NCALD: variants seen among roughly 807,000 people sequenced by gnomAD.
NCALD encodes neurocalcin-delta.
Under a neutral mutation model 18.6 loss-of-function variants are expected in NCALD, and 10 were observed. The observed-to-expected ratio is 0.54, with a 90% confidence interval of 0.33 to 0.91. The LOEUF (loss-of-function observed/expected upper bound fraction) is 0.91. Among genes scored for constraint, NCALD ranks in the 40% least tolerant of loss-of-function variants. NCALD has a pLI of 0.03. For missense variants in NCALD, 184 were observed against 247.6 expected, an observed-to-expected ratio of 0.74 and a Z score of 1.72; for synonymous variants, 88 against 87.4, an observed-to-expected ratio of 1.01 and a Z score of -0.04.
intron 4 of NCALD, among the ~76,000 whole-genome samples, chr8:101,869,174 A>G (rs1815901043): frequency 6.6e-6 from 1 of 152,220 alleles, no homozygotes; most frequent in Non-Finnish European, 1.5e-5. Context: ...GTTACCTTCT[A>G]TGGTAAGGAC....
rs964488239 is a variant in NCALD, at chr8:101,689,760, G to A, written c.485-354C>T. Among the ~76,000 whole-genome samples, 6 of 152,212 alleles carry A rather than the reference G, an allele frequency of 3.9e-5. No homozygotes were observed. Among genetic ancestry groups the A allele is most frequent in the Non-Finnish European group, 7.3e-5 (5 of 68,038 alleles). On this transcript the variant is annotated intron_variant, in intron 3 of 3. Transcript: ENST00000220931. This position sits in a 1 kb window ranked among gnomAD's most constrained non-coding sequence, Gnocchi z 4.4. ...CAGGCGCCCTGGAGAGGCTCACTCAGCATTTGTAAAGCAAGTGGCCCTCCT... is the reference window on the plus strand; with the variant it reads ...CAGGCGCCCTGGAGAGGCTCACTCAACATTTGTAAAGCAAGTGGCCCTCCT...
At chr8:101,873,440 C>A (rs572043591) in intron 4 of NCALD, among the ~76,000 whole-genome samples, 1 of 152,008 alleles carries the variant, frequency 6.6e-6, no homozygotes. Flanking sequence ...ATAGTTATGG[C>A]GGATTATGGT....
At chr8:101,869,760 G>A (rs185224552) in intron 4 of NCALD, among the ~76,000 whole-genome samples, 11 of 152,292 alleles carry the variant, frequency 7.2e-5, no homozygotes, top group South Asian at 4.2e-4. Context: ...TAAGTGTCAC[G>A]TCTGTGCAAT....
At chr8:101,776,368 C>A (rs1358201920) in intron 1 of NCALD, among the ~76,000 whole-genome samples, 1 of 152,144 alleles carries the variant, frequency 6.6e-6, no homozygotes, top group Non-Finnish European at 1.5e-5. Context: ...CAGGTACCTG[C>A]TTTGTGAATA....
chr8:101,994,994 A>C (rs559787127), intron 2 of NCALD, among the ~76,000 whole-genome samples: 2 of 152,346 alleles, frequency 1.3e-5, no homozygotes, highest in South Asian at 4.1e-4. Flanking sequence ...GCAGTGCCTA[A>C]TTGTGTAGAG....
intron 2 of NCALD, among the ~76,000 whole-genome samples, chr8:101,963,740 C>A (rs950335054): frequency 1.3e-5 from 2 of 152,112 alleles, no homozygotes; most frequent in Non-Finnish European, 2.9e-5. Flanking sequence ...ATTGGCACAA[C>A]AAGCTACTGT....
chr8:102,024,861 A>G (rs948922761), intron 1 of NCALD, among the ~76,000 whole-genome samples: 4 of 152,272 alleles, frequency 2.6e-5, no homozygotes, highest in African/African-American at 9.6e-5. Flanking sequence ...TGCTTCTAAG[A>G]AGAACTCAAA....
At chr8:101,733,724 C>T (rs564841173) in intron 1 of NCALD, among the ~76,000 whole-genome samples, 55 of 152,240 alleles carry the variant, frequency 3.6e-4, no homozygotes, top group African/African-American at 1.3e-3. Flanking sequence ...CAAGAAAGAA[C>T]GAGAGAACCA....
intron 2 of NCALD, among the ~76,000 whole-genome samples, chr8:101,976,199 A>C (rs1480824761): frequency 6.6e-6 from 1 of 152,166 alleles, no homozygotes; most frequent in Non-Finnish European, 1.5e-5. Context: ...GTGCTGCACT[A>C]TCTCTAAATG....
At chr8:101,949,277 T>C (rs1274173026) in intron 2 of NCALD, among the ~76,000 whole-genome samples, 1 of 152,158 alleles carries the variant, frequency 6.6e-6, no homozygotes, top group Non-Finnish European at 1.5e-5. Flanking sequence ...CCCAAGGTCA[T>C]GCAGAATGTA....
chr8:101,692,020 C>T (rs1814752329), intron 3 of NCALD: 1 of 982,338 alleles, frequency 1.0e-6, no homozygotes, highest in African/African-American at 1.7e-5. Context: ...GCCCCGTTAA[C>T]TTTGAATTTC....
chr8:102,087,176 G>A (rs888323962), intron 1 of NCALD, among the ~76,000 whole-genome samples: 1 of 152,040 alleles, frequency 6.6e-6, no homozygotes, highest in Non-Finnish European at 1.5e-5. Flanking sequence ...ATTCTTTCTT[G>A]TGTGAGATCC....
intron 1 of NCALD, among the ~76,000 whole-genome samples, chr8:102,107,500 T>A (rs1234477675): frequency 6.6e-6 from 1 of 151,984 alleles, no homozygotes. Context: ...ACTCTAAAAA[T>A]CAGAGAACTA....
chr8:101,731,460 C>G (rs937201652), intron 1 of NCALD, among the ~76,000 whole-genome samples: 1 of 152,168 alleles, frequency 6.6e-6, no homozygotes, highest in East Asian at 1.9e-4. Context: ...ATCTTGCAAG[C>G]TTACATACCC....
chr8:101,732,657 GCAGTGGCACGATCTCAGCTCA>G (rs1816893555), intron 1 of NCALD, among the ~76,000 whole-genome samples: 1 of 135,296 alleles, frequency 7.4e-6, no homozygotes, highest in South Asian at 2.4e-4. Flanking sequence ...AGACTGGAGT[GCAGTGGCACGATCTCAGCTCA>G]CTGCAACCTC....
At chr8:102,060,214 C>A (rs1432045193) in intron 1 of NCALD, among the ~76,000 whole-genome samples, 2 of 134,518 alleles carry the variant, frequency 1.5e-5, no homozygotes, top group Non-Finnish European at 3.0e-5. Flanking sequence ...ATCTCCTGAC[C>A]TTGTGATCTG....
At position 101,877,982 on chromosome 8, in the gene NCALD, T is replaced by C. The variant is rs181378037; in HGVS notation, c.-20+9159A>G. On this transcript the variant is annotated intron_variant, in intron 4 of 6. Transcript: ENST00000311028. ...GAGGAAGCCACTGATCTAATGAAGC[T>C]AGAAAATACTAAATTTTGAACTCCC... Among the ~76,000 whole-genome samples, 8 of 152,358 alleles carry C rather than the reference T, an allele frequency of 5.3e-5. No homozygotes were observed. In the East Asian group the frequency reaches 1.3e-3, roughly 26 times the overall value.
At chr8:101,859,376 G>A (rs1815448484) in intron 4 of NCALD, among the ~76,000 whole-genome samples, 1 of 152,152 alleles carries the variant, frequency 6.6e-6, no homozygotes, top group South Asian at 2.1e-4. Flanking sequence ...TCGGCTTGCA[G>A]ACTGCCTATT....
chr8:102,123,277 C>G (rs534553591), intron 1 of NCALD, among the ~76,000 whole-genome samples: 1 of 152,250 alleles, frequency 6.6e-6, no homozygotes, highest in African/African-American at 2.4e-5. Context: ...ACCGTAGCTG[C>G]CCTACGGAAC....
Sources: gnomAD v4.1 joint callset for allele counts (sites outside exome capture counted in the v4.1 genomes callset) on GRCh38, gnomAD v4.1.1 for gene constraint, Gnocchi (gnomAD v3.1) non-coding constraint, MANE v1.5 for transcripts, NCBI Gene and HGNC (gene_info 2026-07-23, HGNC 2026-07-21) for gene names.